GABRA3: variants seen among roughly 807,000 people sequenced by gnomAD.
GABRA3 encodes gamma-aminobutyric acid receptor subunit alpha-3.
Under a neutral mutation model 30.1 loss-of-function variants are expected in GABRA3, and 10 were observed. The observed-to-expected ratio is 0.33, with a 90% CI of 0.20 to 0.56. The LOEUF is 0.56. GABRA3 is among the 20% of genes least tolerant of loss of function. GABRA3 has a pLI of 0.89. For synonymous variants in GABRA3, 151 were observed against 146.8 expected, an observed-to-expected ratio of 1.03 and a Z score of -0.21; for missense variants, 233 against 392.0, an observed-to-expected ratio of 0.59 and a Z score of 3.42.
intron 5 of GABRA3, among the ~76,000 whole-genome samples, chrX:152,243,463 T>C (rs755925724): frequency 1.3e-4 from 15 of 111,789 alleles, no homozygotes; most frequent in Admixed American, 6.7e-4. Flanking sequence ...ATATTATTTT[T>C]ATTTATTTAT....
At chrX:152,446,691 T>C (rs1323738033) in intron 1 of GABRA3, among the ~76,000 whole-genome samples, 1 of 111,646 alleles carries the variant, frequency 9.0e-6, no homozygotes, top group Non-Finnish European at 1.9e-5. Flanking sequence ...TATTTTCAAA[T>C]GTGCTCAGTA....
chrX:152,227,498 A>G (rs1248938973), intron 5 of GABRA3, among the ~76,000 whole-genome samples: 1 of 107,236 alleles, frequency 9.3e-6, no homozygotes, highest in African/African-American at 3.4e-5. Flanking sequence ...TAACCTGCAC[A>G]TTGTGCACAT....
intron 4 of GABRA3, among the ~76,000 whole-genome samples, chrX:152,267,159 AG>A (rs1211800850): frequency 8.9e-6 from 1 of 111,784 alleles, no homozygotes; most frequent in Non-Finnish European, 1.9e-5. Flanking sequence ...GTCATATACG[AG>A]CTTTATTATT....
At chrX:152,273,401 T>C (rs142088942) in intron 4 of GABRA3, among the ~76,000 whole-genome samples, 1,559 of 111,880 alleles carry the variant, frequency 0.014, 20 homozygotes, top group African/African-American at 0.047. Flanking sequence ...ATATTAAAGA[T>C]AGAACTACCA....
At chrX:152,363,301 C>T (rs1429019149) in intron 2 of GABRA3, among the ~76,000 whole-genome samples, 4 of 111,837 alleles carry the variant, frequency 3.6e-5, no homozygotes, top group Non-Finnish European at 7.5e-5. Flanking sequence ...ATAAAGAAAA[C>T]CAGATGTAGT....
At chrX:152,301,626 C>T (rs777537407) in intron 3 of GABRA3, among the ~76,000 whole-genome samples, 5 of 110,804 alleles carry the variant, frequency 4.5e-5, no homozygotes, top group Non-Finnish European at 7.6e-5. Context: ...CTCCACATCC[C>T]GGGTTCAAGT....
chrX:152,189,816 G>A lies in GABRA3; in HGVS notation c.1057C>T (p.Leu353=), dbSNP rs200052640. The A allele has an allele frequency of 1.7e-6, 2 of 1,209,767 alleles. No homozygotes were observed. The highest frequency in any genetic ancestry group is 2.2e-6 in the Non-Finnish European group (2 of 894,360). Residue 353 remains leucine, a synonymous_variant, in exon 9 of 10, where the codon CTG becomes TTG. Coordinates refer to ENST00000370314, the MANE Select transcript of GABRA3 (RefSeq NM_000808.4). The part of the protein sequence containing the change: ...AVCYAFVFSA[L]IEFATVNYFT... ...TAGTTGACAGTGGCAAATTCAATCA[G>A]TGCAGAAAATACAAAGGCATAACAG...
At chrX:152,287,792 T>C (rs1939324691) in intron 3 of GABRA3, among the ~76,000 whole-genome samples, 1 of 110,107 alleles carries the variant, frequency 9.1e-6, no homozygotes, top group Non-Finnish European at 1.9e-5. Flanking sequence ...TTTTCTTCCA[T>C]CCTTCTTTCC....
intron 5 of GABRA3, among the ~76,000 whole-genome samples, chrX:152,237,563 T>C (rs1203593462): frequency 6.7e-5 from 7 of 104,732 alleles, no homozygotes; most frequent in Middle Eastern, 4.7e-3. Flanking sequence ...GGGGATGGCA[T>C]TGAATCTGTA....
intron 7 of GABRA3, among the ~76,000 whole-genome samples, chrX:152,202,027 C>T (rs1394812684): frequency 1.8e-5 from 2 of 112,020 alleles, no homozygotes; most frequent in Non-Finnish European, 3.8e-5. Flanking sequence ...TGTAATAATT[C>T]GCCAAATTAG....
intron 1 of GABRA3, among the ~76,000 whole-genome samples, chrX:152,417,421 T>C (rs1930255629): frequency 1.8e-5 from 2 of 110,448 alleles, no homozygotes; most frequent in Admixed American, 9.7e-5. Context: ...TTTTACACTG[T>C]TGGTGGGACT....
Position 152,432,427 on chromosome X carries a change from AT to A in GABRA3, c.-27+18718del, listed in dbSNP as rs770955810. Among the ~76,000 whole-genome samples the A allele has an allele frequency of 4.0e-3, 451 of 112,003 alleles. 1 individual carries two copies. Among genetic ancestry groups the A allele is most frequent in the African/African-American group, 0.013 (412 of 30,879 alleles). The stretch of plus-strand genomic sequence containing the variant: ...AACAAAAAGCAAACTTTAAAAAAAA[AT>A]CATATGCTTTCAACAAAAAACAAAA... On this transcript the variant is annotated intron_variant, in intron 1 of 9. Transcript: ENST00000370314.
chrX:152,334,429 T>C (rs1255601035), intron 3 of GABRA3, among the ~76,000 whole-genome samples: 4 of 111,994 alleles, frequency 3.6e-5, no homozygotes, highest in African/African-American at 6.5e-5. Flanking sequence ...TTTCTTCCTA[T>C]AGGACATAAT....
chrX:152,279,446 C>T (rs1043410572), intron 4 of GABRA3, among the ~76,000 whole-genome samples: 29 of 111,273 alleles, frequency 2.6e-4, no homozygotes, highest in African/African-American at 9.5e-4. Flanking sequence ...TTTCTAAGGG[C>T]TCTGTTCTGT....
intron 5 of GABRA3, among the ~76,000 whole-genome samples, chrX:152,226,286 T>G (rs750706556): frequency 2.7e-4 from 30 of 111,786 alleles, no homozygotes; most frequent in Non-Finnish European, 5.5e-4. Flanking sequence ...ATTACAGACA[T>G]CCATGTGTCT....
chrX:152,372,668 C>T (rs776386171), intron 1 of GABRA3, among the ~76,000 whole-genome samples: 4 of 111,748 alleles, frequency 3.6e-5, no homozygotes, highest in Non-Finnish European at 7.5e-5. Flanking sequence ...CTCTGGGCAT[C>T]CTTTTCTTCT....
chrX:152,179,412 A>C (rs182970112), intron 9 of GABRA3, among the ~76,000 whole-genome samples: 1 of 110,680 alleles, frequency 9.0e-6, no homozygotes, highest in Non-Finnish European at 1.9e-5. Flanking sequence ...CTCTAAGTAA[A>C]ATTTTGTATT....
At chrX:152,293,602 CAAT>C (rs1054468281) in intron 3 of GABRA3, among the ~76,000 whole-genome samples, 4 of 111,377 alleles carry the variant, frequency 3.6e-5, no homozygotes, top group Admixed American at 1.9e-4. Context: ...ACAATAATAA[CAAT>C]AATAACAATA....
intron 1 of GABRA3, among the ~76,000 whole-genome samples, chrX:152,410,103 A>T (rs1053791390): frequency 1.8e-5 from 2 of 112,274 alleles, no homozygotes; most frequent in African/African-American, 6.5e-5. Flanking sequence ...TGTTAAGTGA[A>T]CTAAGCCAGG....
Sources: allele counts gnomAD v4.1 joint callset (sites outside exome capture counted in the v4.1 genomes callset), GRCh38; gene constraint gnomAD v4.1.1; transcripts MANE v1.5; gene names NCBI Gene and HGNC (gene_info 2026-07-23, HGNC 2026-07-21).